The following FRMD5 variants were observed in gnomAD, a reference collection of about 807,000 sequenced individuals.
The protein encoded by FRMD5 is FERM domain-containing protein 5.
Under a neutral mutation model 69.0 loss-of-function variants are expected in FRMD5, and 20 were observed. The ratio of observed to expected loss-of-function variants is 0.29; its 90% CI spans 0.20 to 0.42. FRMD5 has a LOEUF of 0.42. FRMD5 is among the 10% of genes least tolerant of loss of function. FRMD5 has a pLI of 1.00. For synonymous variants in FRMD5, 271 were observed against 260.1 expected (o/e 1.04, Z -0.40); for missense variants, 595 against 708.6 (o/e 0.84, Z 1.82).
chr15:44,156,406 A>G (rs1354957849), intron 1 of FRMD5, among the ~76,000 whole-genome samples: 2 of 152,256 alleles, frequency 1.3e-5, no homozygotes, highest in Non-Finnish European at 2.9e-5. Flanking sequence ...AGCCTCCCAA[A>G]GTGCTGGGAT....
chr15:44,046,087 T>C (rs990301993), intron 1 of FRMD5, among the ~76,000 whole-genome samples: 3 of 152,060 alleles, frequency 2.0e-5, no homozygotes, highest in Non-Finnish European at 2.9e-5. Flanking sequence ...ACCCAACACC[T>C]AGCATAATAC....
intron 1 of FRMD5, among the ~76,000 whole-genome samples, chr15:44,072,673 T>G (rs2140417257): frequency 6.6e-6 from 1 of 152,320 alleles, no homozygotes; most frequent in African/African-American, 2.4e-5. Flanking sequence ...AATATTCATA[T>G]GAAGACTGTG....
chr15:43,999,952 GCATATA>G (rs1566889772), intron 1 of FRMD5, among the ~76,000 whole-genome samples: 1 of 56,618 alleles, frequency 1.8e-5, no homozygotes, highest in African/African-American at 9.5e-5. Flanking sequence ...TATATGCCAT[GCATATA>G]TATATATATA....
At chr15:44,165,419 CTCAATCAATCAA>C (rs776273680) in intron 1 of FRMD5, among the ~76,000 whole-genome samples, 1 of 152,108 alleles carries the variant, frequency 6.6e-6, no homozygotes, top group East Asian at 1.9e-4. Flanking sequence ...GAGACTCCAT[CTCAATCAATCAA>C]TCAATCAATC....
chr15:44,195,932 C>T (rs572523481), upstream of FRMD5, among the ~76,000 whole-genome samples: 93 of 152,324 alleles, frequency 6.1e-4, no homozygotes, highest in African/African-American at 2.1e-3. Context: ...GGAGACTGCT[C>T]CTTCAGCTGG....
intron 1 of FRMD5, among the ~76,000 whole-genome samples, chr15:43,938,461 A>AT (rs917284773): frequency 1.3e-5 from 2 of 152,164 alleles, no homozygotes; most frequent in African/African-American, 4.8e-5. Flanking sequence ...CTAGACTCTT[A>AT]TTTTTTGATT....
chr15:44,096,206 C>CAAAAA (rs1213347011), intron 1 of FRMD5, among the ~76,000 whole-genome samples: 5 of 47,880 alleles, frequency 1.0e-4, no homozygotes, highest in African/African-American at 3.0e-4. Flanking sequence ...AACTCCATCT[C>CAAAAA]AAAAAAAAAA....
At chr15:44,056,327 A>T (rs912821789) in intron 1 of FRMD5, among the ~76,000 whole-genome samples, 1 of 152,216 alleles carries the variant, frequency 6.6e-6, no homozygotes, top group Non-Finnish European at 1.5e-5. Flanking sequence ...TAAATGAAAG[A>T]GAGTAGGGCA....
In FRMD5 at chr15:43,871,725, A is replaced by T. The variant is rs753289256; in HGVS notation, c.*2160T>A. 1 of 152,212 alleles carries T rather than the reference A, an allele frequency of 6.6e-6. No homozygotes were observed. Among genetic ancestry groups the T allele is most frequent in the Non-Finnish European group, 1.5e-5 (1 of 68,044 alleles). 9.4% of individuals were successfully genotyped at this position (152,212 alleles called of 1,614,324 possible). A position where few individuals can be genotyped will look rare whatever the true frequency, so the allele number is the denominator to read the frequency against. The stretch of plus-strand genomic sequence containing the variant: ...TTCTGCCTAAATTGTTGCTGGTATG[A>T]AAATGGTCAGAGAAGCCCTCTTCCC... On this transcript the variant is annotated 3_prime_UTR_variant, in exon 14 of 14. Coordinates refer to ENST00000417257, the MANE Select transcript of FRMD5 (RefSeq NM_032892.5).
chr15:43,884,936 G>A, intron 11 of FRMD5, 141 bp from the exon 12 acceptor site: 1 of 683,328 alleles, frequency 1.5e-6, no homozygotes, highest in Admixed American at 2.4e-5. Flanking sequence ...TGGTCATGGA[G>A]AAAGGCTTGC....
intron 13 of FRMD5, among the ~76,000 whole-genome samples, chr15:43,878,024 A>G (rs540352101): frequency 6.6e-6 from 1 of 152,234 alleles, no homozygotes; most frequent in East Asian, 1.9e-4. Context: ...TAGTTTTTTG[A>G]GACAGTCTTA....
chr15:43,905,097 A>G (rs187975227), intron 6 of FRMD5, among the ~76,000 whole-genome samples: 4 of 151,568 alleles, frequency 2.6e-5, no homozygotes, highest in Admixed American at 6.6e-5. Flanking sequence ...GACTAAGAGC[A>G]GAAGCCTGCC....
At chr15:44,018,882 G>A (rs1215906670) in intron 1 of FRMD5, among the ~76,000 whole-genome samples, 1 of 151,790 alleles carries the variant, frequency 6.6e-6, no homozygotes, top group East Asian at 1.9e-4. Context: ...CAGTCGATGT[G>A]GGTATACATT....
intron 1 of FRMD5, among the ~76,000 whole-genome samples, chr15:43,992,342 T>TC (rs1456862692): frequency 1.5e-5 from 1 of 65,714 alleles, no homozygotes; most frequent in Non-Finnish European, 3.7e-5. Context: ...GGTTGTAAAT[T>TC]CTTTTTTTTT....
chr15:44,125,294 C>T (rs1397481017), intron 1 of FRMD5, among the ~76,000 whole-genome samples: 2 of 151,830 alleles, frequency 1.3e-5, no homozygotes, highest in Non-Finnish European at 2.9e-5. Context: ...AGGGTGAGAC[C>T]CCCATCTCTT....
intron 1 of FRMD5, among the ~76,000 whole-genome samples, chr15:44,017,900 C>T (rs1891044051): frequency 6.6e-6 from 1 of 152,086 alleles, no homozygotes; most frequent in Admixed American, 6.6e-5. Context: ...TGAGCCACCG[C>T]ACCTGATCAA....
At chr15:44,191,928 ATATATATATATATG>A (rs1244776971) in intron 1 of FRMD5, among the ~76,000 whole-genome samples, 27 of 63,866 alleles carry the variant, frequency 4.2e-4, no homozygotes, top group South Asian at 4.1e-4. Flanking sequence ...TATATTATAT[ATATATATATATATG>A]TATCTCCATA....
chr15:44,056,027 T>C (rs1485051195), intron 1 of FRMD5, among the ~76,000 whole-genome samples: 3 of 152,266 alleles, frequency 2.0e-5, no homozygotes, highest in Non-Finnish European at 4.4e-5. Flanking sequence ...CCTCCCTTAT[T>C]CATTAATCAA....
intron 1 of FRMD5, among the ~76,000 whole-genome samples, chr15:43,934,477 C>T (rs916527035): frequency 4.6e-5 from 7 of 152,022 alleles, no homozygotes; most frequent in African/African-American, 1.2e-4. Context: ...AAAGGATAAT[C>T]GGGTAGCTTT....
Sources: allele counts gnomAD v4.1 joint callset (sites outside exome capture counted in the v4.1 genomes callset), GRCh38; gene constraint gnomAD v4.1.1; transcripts MANE v1.5; gene names NCBI Gene and HGNC (gene_info 2026-07-23, HGNC 2026-07-21).